The following SNTG1 variants were observed in gnomAD, a reference collection of about 807,000 sequenced individuals.
SNTG1 encodes syntrophin gamma 1.
SNTG1 carries 39 observed loss-of-function variants against 74.7 expected under a neutral mutation model. The observed-to-expected ratio is 0.52, with a 90% CI of 0.40 to 0.68. The LOEUF is 0.68. Ranked by LOEUF, SNTG1 falls within the 30% of genes least tolerant of loss-of-function variation. The probability of loss-of-function intolerance (pLI) is 0.00; values close to 1 mark genes in which losing one functional copy is unlikely to be tolerated. For synonymous variants in SNTG1, 254 were observed against 217.1 expected, an observed-to-expected ratio of 1.17 and a Z score of -1.49; for missense variants, 685 against 609.5, an observed-to-expected ratio of 1.12 and a Z score of -1.30.
chr8:50,502,776 A>G lies in SNTG1; in HGVS notation c.364-2A>G, dbSNP rs1438992547. 1 of 1,607,442 alleles carries G rather than the reference A, an allele frequency of 6.2e-7. No homozygotes were observed. The stretch of plus-strand genomic sequence containing the variant: ...TTGTATTCTTTTTATTCTTTTTTTC[A>G]GGTTCAGGTTCTTCGGAATGCTGGA... On this transcript the variant is annotated splice_acceptor_variant, in intron 8 of 18. Coordinates refer to ENST00000642720, the MANE Select transcript of SNTG1 (RefSeq NM_018967.5). LOFTEE classifies it high-confidence loss of function.
intron 1 of SNTG1, among the ~76,000 whole-genome samples, chr8:49,946,731 C>G (rs1809223550): frequency 6.6e-6 from 1 of 152,018 alleles, no homozygotes; most frequent in South Asian, 2.1e-4. Flanking sequence ...GAAAATCAAC[C>G]ATTACACGAT....
intron 2 of SNTG1, among the ~76,000 whole-genome samples, chr8:50,300,199 G>A (rs371793365): frequency 6.6e-6 from 1 of 151,902 alleles, no homozygotes; most frequent in Non-Finnish European, 1.5e-5. Context: ...TTATCTTTTC[G>A]ACCAAAAGAG....
intron 1 of SNTG1, among the ~76,000 whole-genome samples, chr8:49,963,965 C>A (rs1017528162): frequency 1.3e-5 from 2 of 152,210 alleles, no homozygotes; most frequent in South Asian, 2.1e-4. Context: ...GCATCAAATC[C>A]ATTAAATTCC....
At chr8:50,268,336 T>C (rs892838489) in intron 2 of SNTG1, among the ~76,000 whole-genome samples, 1 of 152,194 alleles carries the variant, frequency 6.6e-6, no homozygotes, top group African/African-American at 2.4e-5. Flanking sequence ...AAGGTGCCAA[T>C]TCATTCTCAA....
chr8:50,679,506 T>C (rs1330176708), intron 15 of SNTG1, among the ~76,000 whole-genome samples: 1 of 152,178 alleles, frequency 6.6e-6, no homozygotes, highest in Non-Finnish European at 1.5e-5. Context: ...TTGTAAGCAT[T>C]CAATACATGT....
At chr8:50,133,179 C>T (rs889526150) in intron 1 of SNTG1, among the ~76,000 whole-genome samples, 1 of 152,168 alleles carries the variant, frequency 6.6e-6, no homozygotes, top group South Asian at 2.1e-4. Context: ...ACAAGTTCTA[C>T]TTTTCACTCA....
At chr8:50,065,586 A>C (rs999591745) in intron 1 of SNTG1, among the ~76,000 whole-genome samples, 1 of 152,170 alleles carries the variant, frequency 6.6e-6, no homozygotes, top group Non-Finnish European at 1.5e-5. Context: ...GAATACTATA[A>C]AATTCTTATT....
intron 10 of SNTG1, among the ~76,000 whole-genome samples, chr8:50,530,596 C>G (rs1483871462): frequency 2.0e-5 from 3 of 151,982 alleles, no homozygotes; most frequent in Non-Finnish European, 4.4e-5. Context: ...TCACTTTTTT[C>G]TTTTGAAATT....
chr8:50,596,157 G>A (rs954014548), intron 13 of SNTG1, among the ~76,000 whole-genome samples: 2 of 151,914 alleles, frequency 1.3e-5, no homozygotes, highest in African/African-American at 2.4e-5. Context: ...TCTAATAGAT[G>A]TGTCATGATC....
chr8:50,645,352 A>G (rs963109867), intron 13 of SNTG1, among the ~76,000 whole-genome samples: 4 of 151,226 alleles, frequency 2.6e-5, no homozygotes, highest in Non-Finnish European at 5.9e-5. Flanking sequence ...AATTTTTTTT[A>G]TATAATTTCC....
At chr8:50,469,009 T>C (rs1007171194) in intron 8 of SNTG1, among the ~76,000 whole-genome samples, 3 of 152,212 alleles carry the variant, frequency 2.0e-5, no homozygotes, top group African/African-American at 7.2e-5. Flanking sequence ...ACTATTATTT[T>C]ATACAAAGAG....
intron 12 of SNTG1, among the ~76,000 whole-genome samples, chr8:50,564,521 G>A (rs2094505380): frequency 6.6e-6 from 1 of 151,934 alleles, no homozygotes; most frequent in African/African-American, 2.4e-5. Flanking sequence ...TTCTTGTGCT[G>A]GCTGCACGAA....
intron 1 of SNTG1, among the ~76,000 whole-genome samples, chr8:49,940,351 T>C (rs1808572204): frequency 6.6e-6 from 1 of 152,100 alleles, no homozygotes; most frequent in Non-Finnish European, 1.5e-5. Context: ...TGGGTGGTGG[T>C]TGGTTAGCTT....
In SNTG1 at chr8:50,792,886, C is replaced by T. The variant is rs2095695377; in HGVS notation, c.*57C>T. 1.3e-6 allele frequency: 2 copies of T among 1,506,756 alleles called. No homozygotes were observed. Among genetic ancestry groups the T allele is most frequent in the South Asian group, 1.4e-5 (1 of 73,400 alleles). 93.3% of individuals were successfully genotyped at this position (1,506,756 alleles called of 1,614,324 possible). A position where few individuals can be genotyped will look rare whatever the true frequency, so the allele number is the denominator to read the frequency against. On this transcript the variant is annotated 3_prime_UTR_variant, in exon 19 of 19. Coordinates refer to ENST00000642720, the MANE Select transcript of SNTG1 (RefSeq NM_018967.5). ...ACTGTATAAGCAGGACACATTTACT[C>T]ATCATTTTAGACCCTAGAGAAACCA...
chr8:50,499,105 T>G (rs944603871), intron 8 of SNTG1, among the ~76,000 whole-genome samples: 1 of 151,822 alleles, frequency 6.6e-6, no homozygotes, highest in Non-Finnish European at 1.5e-5. Flanking sequence ...CTGGATTTTT[T>G]AAATTTCCAC....
At chr8:50,415,686 C>T (rs1355596547) in intron 4 of SNTG1, among the ~76,000 whole-genome samples, 1 of 152,068 alleles carries the variant, frequency 6.6e-6, no homozygotes, top group Non-Finnish European at 1.5e-5. Context: ...ATTTAATCCA[C>T]ATAATTTTGC....
intron 18 of SNTG1, among the ~76,000 whole-genome samples, chr8:50,757,982 C>T (rs1020720866): frequency 9.9e-5 from 15 of 151,862 alleles, no homozygotes; most frequent in Non-Finnish European, 4.4e-5. Context: ...TCCTGCCTCT[C>T]CTTCCTTCTA....
At chr8:50,627,944 C>A (rs147887193) in intron 13 of SNTG1, among the ~76,000 whole-genome samples, 1 of 152,070 alleles carries the variant, frequency 6.6e-6, no homozygotes, top group African/African-American at 2.4e-5. Context: ...CATTAATGAT[C>A]AACCCAACCT....
chr8:50,370,552 C>A (rs1274930911), intron 2 of SNTG1, among the ~76,000 whole-genome samples: 2 of 151,926 alleles, frequency 1.3e-5, no homozygotes, highest in Non-Finnish European at 2.9e-5. Context: ...GAGCAGCCTC[C>A]CCACCTGCAA....
Sources: gnomAD v4.1 joint callset for allele counts (sites outside exome capture counted in the v4.1 genomes callset) on GRCh38, gnomAD v4.1.1 for gene constraint, MANE v1.5 for transcripts, NCBI Gene and HGNC (gene_info 2026-07-23, HGNC 2026-07-21) for gene names.